PLEKHH1: variants seen among roughly 807,000 people sequenced by gnomAD.
PLEKHH1 encodes the protein pleckstrin homology domain-containing family H member 1.
Under a neutral mutation model 160.0 loss-of-function variants are expected in PLEKHH1, and 104 were observed. The observed-to-expected ratio is 0.65, with a 90% confidence interval of 0.55 to 0.76. PLEKHH1 has a LOEUF of 0.76. Ranked by LOEUF, PLEKHH1 falls within the 30% of genes least tolerant of loss-of-function variation. PLEKHH1 has a pLI of 0.00. For synonymous variants in PLEKHH1, 619 were observed against 678.4 expected, an observed-to-expected ratio of 0.91 and a Z score of 1.36; for missense variants, 1,427 against 1,724.1, an observed-to-expected ratio of 0.83 and a Z score of 3.05.
In PLEKHH1 at chr14:67,562,417, G is replaced by A. The variant is rs757940392; in HGVS notation, c.786G>A (p.Glu262=). ...CCCTTCAACCTCATCTGGGAAGAGA[G>A]AGCCCTCCCCACCAGCCATGCATGA... is the stretch of plus-strand genomic sequence containing the variant. ...AKPLQPHLGR[E]SPPHQPCMKL... Residue 262 remains glutamate (E), a synonymous_variant, in exon 7 of 29, where the codon GAG becomes GAA. Transcript: ENST00000329153. 2 of 1,613,880 alleles carry A rather than the reference G, an allele frequency of 1.2e-6. No individual in the cohort carries two copies. The highest frequency in any genetic ancestry group is 2.2e-5 in the South Asian group (2 of 91,084).
intron 2 of PLEKHH1, among the ~76,000 whole-genome samples, chr14:67,548,053 A>G (rs1211969334): frequency 6.6e-6 from 1 of 152,090 alleles, no homozygotes; most frequent in African/African-American, 2.4e-5. Flanking sequence ...GTGGCTGATG[A>G]CTTGAGATTC....
chr14:67,586,538 GT>G, intron 28 of PLEKHH1: 1 of 694,114 alleles, frequency 1.4e-6, no homozygotes, highest in South Asian at 1.4e-5. Flanking sequence ...CCTCTTCCTT[GT>G]TGTGGGGAAG....
At chr14:67,537,181 C>T (rs2033758003) in intron 1 of PLEKHH1, among the ~76,000 whole-genome samples, 1 of 141,540 alleles carries the variant, frequency 7.1e-6, no homozygotes, top group Non-Finnish European at 1.5e-5. Context: ...CCTGTCTTTA[C>T]AAAAAATACA....
rs4902496 is a variant in PLEKHH1 at position 67,588,896 on chromosome 14, C to G, written c.*1661C>G. ...GACAAGCATGATGAAAAAAGAAGCA[C>G]ATCCAAGTTTCTGCCTCTTTTAAAT... On this transcript the variant is annotated 3_prime_UTR_variant, in exon 29 of 29. Coordinates refer to ENST00000329153, the MANE Select transcript of PLEKHH1 (RefSeq NM_020715.3). The G allele has an allele frequency of 0.73, 111,255 of 152,492 alleles. 41,661 individuals are homozygous for G. Among genetic ancestry groups the G allele is most frequent in the Middle Eastern group, 0.83 (243 of 294 alleles). The allele number at this position is 152,492 out of a possible 1,614,324, so 9.4% of individuals were successfully genotyped here.
intron 27 of PLEKHH1, 37 bp from the exon 28 acceptor site, chr14:67,585,914 G>T: frequency 6.3e-7 from 1 of 1,588,964 alleles, no homozygotes. Flanking sequence ...GGGACAGGTG[G>T]AAAGTTTCCC....
At chr14:67,568,292 C>G (rs944144981) in intron 7 of PLEKHH1, among the ~76,000 whole-genome samples, 6 of 152,216 alleles carry the variant, frequency 3.9e-5, no homozygotes, top group African/African-American at 1.4e-4. Flanking sequence ...ATGTCCTTTG[C>G]AGGGACATAA....
chr14:67,565,257 C>T (rs551162907), intron 7 of PLEKHH1, among the ~76,000 whole-genome samples: 1 of 151,610 alleles, frequency 6.6e-6, no homozygotes, highest in African/African-American at 2.4e-5. Context: ...TATTTATTTA[C>T]TTGAGAGACG....
At chr14:67,557,220 A>C (rs2034630014) in intron 3 of PLEKHH1, 49 bp from the exon 4 acceptor site, 1 of 1,559,372 alleles carries the variant, frequency 6.4e-7, no homozygotes, top group South Asian at 1.1e-5. Context: ...GCCACTGCAC[A>C]CCCCGTGTGA....
intron 2 of PLEKHH1, among the ~76,000 whole-genome samples, chr14:67,542,875 TTA>T (rs1291100556): frequency 3.9e-5 from 6 of 152,092 alleles, no homozygotes; most frequent in African/African-American, 1.4e-4. Context: ...TAATTTTGTG[TTA>T]TTAGTAGAGA....
intron 21 of PLEKHH1, 56 bp from the exon 22 acceptor site, chr14:67,579,665 C>G (rs1218960781): frequency 1.9e-6 from 3 of 1,558,472 alleles, no homozygotes; most frequent in Non-Finnish European, 2.6e-6. Flanking sequence ...TCCACCAGCC[C>G]TAGTGAGCTC....
Position 67,576,531 on chromosome 14 carries a change from G to T in PLEKHH1, c.2461+28G>T. 1 of 1,094,796 alleles carries T rather than the reference G, an allele frequency of 9.1e-7. No homozygotes were observed. Among genetic ancestry groups the T allele is most frequent in the South Asian group, 1.3e-5 (1 of 79,732 alleles). The allele number at this position is 1,094,796 out of a possible 1,614,324, so 67.8% of individuals were successfully genotyped here. A position where few individuals can be genotyped will look rare whatever the true frequency, so the allele number is the denominator to read the frequency against. ...AAGGCAAGGGTGGCCACCACTGCTT[G>T]GGTTGGAGGGTAGTGGCTTGGTGAC... is the stretch of plus-strand genomic sequence containing the variant. On this transcript the variant is annotated intron_variant, in intron 17 of 28. Transcript: ENST00000329153. The surrounding 1 kb of genome is among the most constrained non-coding windows in gnomAD (Gnocchi z 4.0).
chr14:67,538,716 G>A (rs554018571), intron 1 of PLEKHH1, among the ~76,000 whole-genome samples: 129 of 152,260 alleles, frequency 8.5e-4, no homozygotes, highest in African/African-American at 2.9e-3. Context: ...AGCCAAGCAC[G>A]AGTCCCAACC....
Position 67,582,075 on chromosome 14 carries a change from CT to C in PLEKHH1, c.3294del (p.Arg1099AlafsTer23). On this transcript the variant is annotated frameshift_variant, in exon 24 of 29. Transcript: ENST00000329153. LOFTEE classifies it high-confidence loss of function. The surrounding 1 kb of genome is among the most constrained non-coding windows in gnomAD (Gnocchi z 5.0). The part of the protein sequence containing the change: ...VKLMYKNRLY[F>X]RSQVKGETDR... ...CTTATTCTCTTCTTTGTAGGCTGTA[CT>C]TTCGCAGTCAAGTCAAAGGGGAGAC... 6.2e-7 allele frequency: 1 copy of C among 1,609,792 alleles called. No homozygotes were observed. The highest frequency in any genetic ancestry group is 8.5e-7 in the Non-Finnish European group (1 of 1,178,184).
chr14:67,575,208 G>A (rs1436392064), intron 14 of PLEKHH1, among the ~76,000 whole-genome samples, 184 bp from the exon 15 acceptor site: 1 of 152,126 alleles, frequency 6.6e-6, no homozygotes, highest in Non-Finnish European at 1.5e-5. Flanking sequence ...TGATGGCTGG[G>A]GTGCCACAGG....
chr14:67,548,109 C>G (rs574060244), intron 2 of PLEKHH1, among the ~76,000 whole-genome samples: 1 of 152,312 alleles, frequency 6.6e-6, no homozygotes, highest in Admixed American at 6.5e-5. Context: ...AGCTGTCTTT[C>G]TTGGCCTGCT....
At chr14:67,545,385 T>G (rs186577430) in intron 2 of PLEKHH1, among the ~76,000 whole-genome samples, 1 of 152,108 alleles carries the variant, frequency 6.6e-6, no homozygotes, top group African/African-American at 2.4e-5. Context: ...AAAGAGAGGA[T>G]AGATAATAGG....
chr14:67,555,949 C>G, intron 3 of PLEKHH1, 62 bp downstream of exon 3: 1 of 1,586,934 alleles, frequency 6.3e-7, no homozygotes. Flanking sequence ...CTTCCAGGCC[C>G]TTCCCACGGA....
chr14:67,565,006 T>G (rs2035023814), intron 7 of PLEKHH1, among the ~76,000 whole-genome samples: 1 of 152,150 alleles, frequency 6.6e-6, no homozygotes. Flanking sequence ...CCTGACATTT[T>G]CCATGATAAA....
chr14:67,580,993 A>G lies in PLEKHH1; in HGVS notation c.3239A>G (p.Lys1080Arg), dbSNP rs774000544. 6 of 1,613,514 alleles carry G rather than the reference A, an allele frequency of 3.7e-6. No homozygotes were observed. Among genetic ancestry groups the G allele is most frequent in the Non-Finnish European group, 5.1e-6 (6 of 1,179,562 alleles). The change falls in exon 23 of 29, where the codon AAG (lysine) becomes AGG (arginine). Residue 1080 changes from lysine to arginine, a missense_variant. By Grantham distance (26) the Lys-to-Arg change is conservative. This residue lies in a region of PLEKHH1 where 436 missense variants were observed against 607.5 expected (regional missense o/e 0.72). Transcript: ENST00000329153. ...EQAMKELHPGKSEGGTRVVKL... is the reference protein window; with the variant it reads ...EQAMKELHPGRSEGGTRVVKL... ...GCCATGAAGGAGCTGCACCCCGGAA[A>G]GTCTGAGGGTGGGACACGCGTCGTG...
Sources: allele counts gnomAD v4.1 joint callset (sites outside exome capture counted in the v4.1 genomes callset), GRCh38; gene constraint gnomAD v4.1.1; regional missense constraint gnomAD v4.1.1; non-coding constraint Gnocchi (gnomAD v3.1); transcripts MANE v1.5; gene names NCBI Gene and HGNC (gene_info 2026-07-23, HGNC 2026-07-21).